The following KDM5C variants were observed in gnomAD, a reference collection of about 807,000 sequenced individuals.
KDM5C encodes lysine demethylase 5C, also known as lysine-specific demethylase 5C.
KDM5C carries 16 observed loss-of-function variants against 110.6 expected under a neutral mutation model. That is an observed-to-expected ratio of 0.14 (90% CI 0.10 to 0.22). The LOEUF (loss-of-function observed/expected upper bound fraction) is 0.22. Among genes scored for constraint, KDM5C ranks in the 10% least tolerant of loss-of-function variants. KDM5C has a pLI of 1.00. For missense variants in KDM5C, 681 were observed against 1,300.9 expected, an observed-to-expected ratio of 0.52 and a Z score of 7.33; for synonymous variants, 511 against 520.4, an observed-to-expected ratio of 0.98 and a Z score of 0.24.
intron 2 of KDM5C, among the ~76,000 whole-genome samples, chrX:53,220,330 T>C (rs1304138321): frequency 8.9e-6 from 1 of 111,973 alleles, no homozygotes; most frequent in Non-Finnish European, 1.9e-5. Context: ...GCCTGACCCC[T>C]GGCCAAGTCT....
chrX:53,182,658 C>T (rs997005456), intron 25 of KDM5C, among the ~76,000 whole-genome samples: 1 of 113,227 alleles, frequency 8.8e-6, no homozygotes, highest in Admixed American at 9.3e-5. Context: ...TGAGCCACTG[C>T]GCCTGGCCTC....
At chrX:53,194,076 C>G in intron 23 of KDM5C, 63 bp downstream of exon 23, 1 of 1,168,093 alleles carries the variant, frequency 8.6e-7, no homozygotes, top group African/African-American at 1.8e-5. Flanking sequence ...AGGGCCGAGC[C>G]TAAACTGGGG....
chrX:53,199,847 A>T (rs2073087569), intron 14 of KDM5C, among the ~76,000 whole-genome samples: 3 of 111,696 alleles, frequency 2.7e-5, no homozygotes, highest in Admixed American at 1.9e-4. Context: ...TAGGGATTTT[A>T]ATGGGAAATG....
In KDM5C at chrX:53,211,186, C is replaced by T. The variant is rs59919345; in HGVS notation, c.1401+311G>A. ...CATTTTCTCCTGTGCATACAAACCCCACTCCCTGAACACTACTTATGGATG... is the reference window on the plus strand; with the variant it reads ...CATTTTCTCCTGTGCATACAAACCCTACTCCCTGAACACTACTTATGGATG... On this transcript the variant is annotated intron_variant, in intron 10 of 25. Coordinates refer to ENST00000375401, the MANE Select transcript of KDM5C (RefSeq NM_004187.5). Among the ~76,000 whole-genome samples, 471 of 111,957 alleles carry T rather than the reference C, an allele frequency of 4.2e-3. 3 individuals carry two copies. Among genetic ancestry groups the T allele is most frequent in the African/African-American group, 0.014 (441 of 30,775 alleles).
At chrX:53,222,196 G>T (rs908024804) in intron 1 of KDM5C, among the ~76,000 whole-genome samples, 3 of 109,948 alleles carry the variant, frequency 2.7e-5, no homozygotes, top group Non-Finnish European at 5.7e-5. Context: ...ACGTGGGCGG[G>T]GGGGAGAGAC....
rs1335442888 is a variant in KDM5C, at chrX:53,199,166, C to T, written c.2062-8G>A. 4.1e-6 allele frequency: 5 copies of T among 1,208,342 alleles called. No homozygotes were observed. Among genetic ancestry groups the T allele is most frequent in the Middle Eastern group, 2.3e-4 (1 of 4,368 alleles). ...CTCAGCCTCTGTGATACCCTAAGGGCATTTAACCTATGCGTTATATATAAC... is the reference window on the plus strand; with the variant it reads ...CTCAGCCTCTGTGATACCCTAAGGGTATTTAACCTATGCGTTATATATAAC... On this transcript the variant is annotated splice_polypyrimidine_tract_variant and splice_region_variant and intron_variant, in intron 14 of 25. Coordinates refer to ENST00000375401, the MANE Select transcript of KDM5C (RefSeq NM_004187.5).
intron 25 of KDM5C, among the ~76,000 whole-genome samples, chrX:53,185,003 G>A (rs1934178252): frequency 8.9e-6 from 1 of 112,123 alleles, no homozygotes; most frequent in Admixed American, 9.5e-5. Context: ...CCATCGTTTA[G>A]GGCAATAAGA....
chrX:53,206,958 T>C (rs781808489), intron 12 of KDM5C, among the ~76,000 whole-genome samples: 61 of 103,216 alleles, frequency 5.9e-4, no homozygotes, highest in Non-Finnish European at 9.4e-4. Flanking sequence ...GAGGATCACC[T>C]GAGGTCAGGA....
In KDM5C at chrX:53,211,482, G is replaced by A; in HGVS notation, c.1401+15C>T. On this transcript the variant is annotated intron_variant, in intron 10 of 25. Coordinates refer to ENST00000375401, the MANE Select transcript of KDM5C (RefSeq NM_004187.5). ...GCTCACACAGCTGACACGTAACCAT[G>A]AATCATCCACTCACCTCCTCTTCGG... is the stretch of plus-strand genomic sequence containing the variant. 1.7e-6 allele frequency: 2 copies of A among 1,208,820 alleles called. No individual in the cohort carries two copies. Among genetic ancestry groups the A allele is most frequent in the Non-Finnish European group, 2.2e-6 (2 of 893,021 alleles).
rs1205173960 is a variant in KDM5C at position 53,220,830 on chromosome X, T to C, written c.228+9A>G. On this transcript the variant is annotated intron_variant, in intron 2 of 25. Transcript: ENST00000375401. ...TCCCAACCCCACCACCAGCTCCTAG[T>C]CTTCTCACCTCTAGCTCATTCAGCC... The C allele has an allele frequency of 4.2e-6, 5 of 1,197,776 alleles. No individual in the cohort carries two copies. Among genetic ancestry groups the C allele is most frequent in the Non-Finnish European group, 5.7e-6 (5 of 884,709 alleles).
Position 53,201,837 on chromosome X carries a change from C to G in KDM5C, c.1866+17G>C. 8.3e-7 allele frequency: 1 copy of G among 1,212,113 alleles called. No homozygotes were observed. Among genetic ancestry groups the G allele is most frequent in the South Asian group, 1.8e-5 (1 of 57,033 alleles). ...CCTCCTGCTTCTCCCCACCATCCCACCACATTCTAGACTCACCCAGTCAGC... is the reference window on the plus strand; with the variant it reads ...CCTCCTGCTTCTCCCCACCATCCCAGCACATTCTAGACTCACCCAGTCAGC... On this transcript the variant is annotated intron_variant, in intron 13 of 25. Transcript: ENST00000375401.
chrX:53,187,582 G>T (rs149002658), downstream of KDM5C, among the ~76,000 whole-genome samples: 838 of 110,273 alleles, frequency 7.6e-3, 6 homozygotes, highest in African/African-American at 0.026. Context: ...TACCTAGGGT[G>T]TGTTGGGGAC....
intron 14 of KDM5C, among the ~76,000 whole-genome samples, chrX:53,200,540 A>C (rs1342249893): frequency 9.0e-6 from 1 of 111,475 alleles, no homozygotes; most frequent in African/African-American, 3.3e-5. Context: ...CAGAGTGAGA[A>C]AATGATGCCT....
chrX:53,192,868 T>TTCCCCCCCCCC lies in KDM5C; in HGVS notation c.*98_*99insGGGGGGGGGGA. 3 of 163,416 alleles carry TTCCCCCCCCCC rather than the reference T, an allele frequency of 1.8e-5. No individual in the cohort carries two copies. Among genetic ancestry groups the TTCCCCCCCCCC allele is most frequent in the Non-Finnish European group, 2.8e-5 (3 of 107,432 alleles). The allele number at this position is 163,416 out of a possible 1,213,427, so 13.5% of individuals were successfully genotyped here. A position where few individuals can be genotyped will look rare whatever the true frequency, so the allele number is the denominator to read the frequency against. The stretch of plus-strand genomic sequence containing the variant: ...CGGGTAGCAGGGATGGCCACCCCCC[T>TTCCCCCCCCCC]ACCCGCCCACCCCCCAAGAAGCAGG... On this transcript the variant is annotated 3_prime_UTR_variant, in exon 26 of 26. Coordinates refer to ENST00000375401, the MANE Select transcript of KDM5C (RefSeq NM_004187.5).
intron 1 of KDM5C, 89 bp downstream of exon 1, chrX:53,224,651 C>T (rs1335954326): frequency 9.0e-7 from 1 of 1,107,214 alleles, no homozygotes; most frequent in Non-Finnish European, 1.2e-6. Flanking sequence ...CTCCCCACCT[C>T]GAGCTGCCCT....
chrX:53,181,006 A>T (rs1468706631), intron 25 of KDM5C, among the ~76,000 whole-genome samples: 1 of 108,800 alleles, frequency 9.2e-6, no homozygotes, highest in Non-Finnish European at 1.9e-5. Flanking sequence ...TTAGTAGAGG[A>T]GGGGTTTCAC....
At chrX:53,184,137 T>A (rs1370969348) in intron 25 of KDM5C, among the ~76,000 whole-genome samples, 1 of 112,804 alleles carries the variant, frequency 8.9e-6, no homozygotes. Context: ...ATTGTTTTCT[T>A]AACTTCATTT....
intron 18 of KDM5C, among the ~76,000 whole-genome samples, chrX:53,197,494 C>A (rs192818487): frequency 9.1e-6 from 1 of 109,818 alleles, no homozygotes; most frequent in East Asian, 2.9e-4. Context: ...CCAAGCCCAA[C>A]AAGCACCCCT....
intron 12 of KDM5C, among the ~76,000 whole-genome samples, chrX:53,207,376 T>C (rs782354595): frequency 9.0e-6 from 1 of 111,445 alleles, no homozygotes; most frequent in East Asian, 2.8e-4. Context: ...AAAGCCAACA[T>C]GCATTTTATA....
Sources: allele counts gnomAD v4.1 joint callset (sites outside exome capture counted in the v4.1 genomes callset), GRCh38; gene constraint gnomAD v4.1.1; transcripts MANE v1.5; gene names NCBI Gene and HGNC (gene_info 2026-07-23, HGNC 2026-07-21).